C16orf95: variants seen among roughly 807,000 people sequenced by gnomAD.
C16orf95 encodes uncharacterized protein C16orf95.
Under a neutral mutation model 32.1 loss-of-function variants are expected in C16orf95, and 41 were observed. The observed-to-expected ratio is 1.28, with a 90% CI of 1.00 to 1.66. C16orf95 has a LOEUF of 1.66. Among genes scored for constraint, C16orf95 ranks in the 40% most tolerant of loss-of-function variants. The pLI is 0.00. For synonymous variants in C16orf95, 147 were observed against 128.9 expected (o/e 1.14, Z -0.95); for missense variants, 399 against 325.9 (o/e 1.22, Z -1.73).
At chr16:87,306,104 G>A (rs1011583713) in intron 5 of C16orf95, 199 bp from the exon 6 acceptor site, 1 of 426,414 alleles carries the variant, frequency 2.3e-6, no homozygotes, top group Admixed American at 4.0e-5. Flanking sequence ...CTGGGTAACG[G>A]CAGCCTTGGG....
At position 87,313,205 on chromosome 16, in the gene C16orf95, A is replaced by G. The variant is rs547505944; in HGVS notation, c.330+1766T>C. ...TTCACATGGAAATTAAAAAAAAAAA[A>G]AGAGAAAAGCCAAGTCTGAAAAAGA... On this transcript the variant is annotated intron_variant, in intron 3 of 6. Coordinates refer to ENST00000567970, the MANE Select transcript of C16orf95 (RefSeq NM_001195124.3). Among the ~76,000 whole-genome samples the G allele has an allele frequency of 2.2e-4, 34 of 152,014 alleles. No individual in the cohort carries two copies. In the South Asian group the frequency reaches 6.2e-3, roughly 28 times the overall value.
chr16:87,304,176 A>T (rs1473771972), intron 6 of C16orf95, among the ~76,000 whole-genome samples: 2 of 151,940 alleles, frequency 1.3e-5, no homozygotes, highest in African/African-American at 4.8e-5. Flanking sequence ...CACTCAGCTA[A>T]TTTTTTTATT....
chr16:87,303,447 GC>G (rs1910856783), intron 6 of C16orf95: 1 of 226,354 alleles, frequency 4.4e-6, no homozygotes, highest in African/African-American at 2.2e-5. Context: ...ACCCCCGGCT[GC>G]TGTAGCACAT....
chr16:87,304,668 C>G (rs1025774841), intron 6 of C16orf95, among the ~76,000 whole-genome samples: 2 of 152,180 alleles, frequency 1.3e-5, no homozygotes, highest in African/African-American at 2.4e-5. Context: ...GGACCCGTAC[C>G]CCGATGCACA....
At chr16:87,310,835 G>A (rs1010684059) in intron 4 of C16orf95, among the ~76,000 whole-genome samples, 1 of 152,140 alleles carries the variant, frequency 6.6e-6, no homozygotes, top group Non-Finnish European at 1.5e-5. Context: ...GAGTGCAGAG[G>A]GGGAGGAAGA....
At chr16:87,315,214 C>G (rs1209233069) in intron 2 of C16orf95, 118 bp from the exon 3 acceptor site, 3 of 1,070,730 alleles carry the variant, frequency 2.8e-6, no homozygotes, top group Non-Finnish European at 3.9e-6. Flanking sequence ...GCAGGGTCCC[C>G]AGCTCCTACT....
intron 6 of C16orf95, among the ~76,000 whole-genome samples, chr16:87,304,846 A>C (rs1910939598): frequency 6.6e-6 from 1 of 152,262 alleles, no homozygotes; most frequent in Non-Finnish European, 1.5e-5. Context: ...ACAGGACAGG[A>C]CACCTGGCAG....
chr16:87,307,211 C>G (rs1481523058), intron 5 of C16orf95, among the ~76,000 whole-genome samples: 1 of 152,168 alleles, frequency 6.6e-6, no homozygotes, highest in African/African-American at 2.4e-5. Flanking sequence ...AAAACACAGA[C>G]ACGGCAGCCC....
rs978961384 is a variant in C16orf95 at position 87,317,125 on chromosome 16, T to C, written c.118A>G (p.Arg40Gly). 14 of 1,532,822 alleles carry C rather than the reference T, an allele frequency of 9.1e-6. No homozygotes were observed. The Admixed American group carries it at 1.2e-4, about 13-fold the overall frequency. 95.0% of individuals were successfully genotyped at this position (1,532,822 alleles called of 1,614,324 possible). The change falls in exon 1 of 7, where the codon AGG becomes GGG. Residue 40 changes from arginine (R) to glycine (G), a missense_variant. Transcript: ENST00000567970. ...TGCGCGCTGGGTGTGAGTGCCAACC[T>C]GCAGAGCCCGACGCACCCCGCGCCC... ...GPGAGCVGLC[R>G]LALTPSAQDG... is the part of the protein sequence containing the mutation.
At chr16:87,312,399 T>A (rs1017323099) in intron 3 of C16orf95, among the ~76,000 whole-genome samples, 1 of 152,022 alleles carries the variant, frequency 6.6e-6, no homozygotes, top group Admixed American at 6.6e-5. Flanking sequence ...TGAAACCCCA[T>A]CTCTACTAAA....
In C16orf95 at chr16:87,317,370, A is replaced by G. The variant is rs1904402059; in HGVS notation, c.-128T>C. 4 of 1,388,386 alleles carry G rather than the reference A, an allele frequency of 2.9e-6. No individual in the cohort carries two copies. Among genetic ancestry groups the G allele is most frequent in the South Asian group, 1.6e-5 (1 of 61,668 alleles). The allele number at this position is 1,388,386 out of a possible 1,614,324, so 86.0% of individuals were successfully genotyped here. A position where few individuals can be genotyped will look rare whatever the true frequency, so the allele number is the denominator to read the frequency against. The stretch of plus-strand genomic sequence containing the variant: ...GAGCTCAACCCCAGCCCCAACCTCA[A>G]CCGCTCAGAGGAGCCCAACAACGCC... On this transcript the variant is annotated 5_prime_UTR_variant, in exon 1 of 7. Coordinates refer to ENST00000567970, the MANE Select transcript of C16orf95 (RefSeq NM_001195124.3).
At chr16:87,315,211 C>T in intron 2 of C16orf95, 115 bp from the exon 3 acceptor site, 1 of 1,105,290 alleles carries the variant, frequency 9.0e-7, no homozygotes, top group Non-Finnish European at 1.3e-6. Context: ...GGGGCAGGGT[C>T]CCCAGCTCCT....
At chr16:87,304,600 C>T (rs369905095) in intron 6 of C16orf95, among the ~76,000 whole-genome samples, 19 of 152,370 alleles carry the variant, frequency 1.2e-4, no homozygotes, top group African/African-American at 2.4e-4. Flanking sequence ...TCACCGCGCC[C>T]GCTCCTGGCC....
Position 87,305,120 on chromosome 16 carries a change from C to T in C16orf95, c.701+599G>A, listed in dbSNP as rs1910953848. 3.3e-5 allele frequency among the ~76,000 whole-genome samples: 5 copies of T among 152,190 alleles called. No individual in the cohort carries two copies. The highest frequency in any genetic ancestry group is 4.1e-4 in the South Asian group (2 of 4,832). Reference sequence around the variant, plus strand: ...GGAGTAAGAGGAAGTAGCTGTTCCCCGAAGCCCAGCTGTGGCCCGGGGAGT... The same window carrying T: ...GGAGTAAGAGGAAGTAGCTGTTCCCTGAAGCCCAGCTGTGGCCCGGGGAGT... On this transcript the variant is annotated intron_variant, in intron 6 of 6. Coordinates refer to ENST00000567970, the MANE Select transcript of C16orf95 (RefSeq NM_001195124.3). The surrounding 1 kb of genome is among the most constrained non-coding windows in gnomAD (Gnocchi z 4.2).
Position 87,317,298 on chromosome 16 carries a change from C to A in C16orf95, c.-56G>T. 1 of 1,455,896 alleles carries A rather than the reference C, an allele frequency of 6.9e-7. No individual in the cohort carries two copies. The highest frequency in any genetic ancestry group is 9.1e-7 in the Non-Finnish European group (1 of 1,102,774). The allele number at this position is 1,455,896 out of a possible 1,614,324, so 90.2% of individuals were successfully genotyped here. On this transcript the variant is annotated 5_prime_UTR_variant, in exon 1 of 7. Transcript: ENST00000567970. ...CACACACATCGTCCGCAGGCCCTGA[C>A]GCCCTGGCTCCCGCCTTTCCCTCCT... is the stretch of plus-strand genomic sequence containing the variant.
rs1361893133 is a variant in C16orf95 at position 87,315,832 on chromosome 16, G to C, written c.153-9C>G. The C allele has an allele frequency of 6.5e-7, 1 of 1,527,306 alleles. No individual in the cohort carries two copies. Among genetic ancestry groups the C allele is most frequent in the Non-Finnish European group, 8.8e-7 (1 of 1,142,374 alleles). The allele number at this position is 1,527,306 out of a possible 1,614,324, so 94.6% of individuals were successfully genotyped here. A position where few individuals can be genotyped will look rare whatever the true frequency, so the allele number is the denominator to read the frequency against. On this transcript the variant is annotated splice_polypyrimidine_tract_variant and intron_variant, in intron 1 of 6. Transcript: ENST00000567970. ...TTTGAAATGTGCTATTCCTAGAAGAGAAGAACAGAAAAGCTTAGGGTTTGT... is the reference window on the plus strand; with the variant it reads ...TTTGAAATGTGCTATTCCTAGAAGACAAGAACAGAAAAGCTTAGGGTTTGT...
rs1041045218 is a variant in C16orf95, at chr16:87,305,350, AG to A, written c.701+368del. Among the ~76,000 whole-genome samples the A allele has an allele frequency of 5.9e-5, 9 of 152,186 alleles. No homozygotes were observed. The highest frequency in any genetic ancestry group is 2.2e-4 in the African/African-American group (9 of 41,452). On this transcript the variant is annotated intron_variant, in intron 6 of 6. Transcript: ENST00000567970. The surrounding 1 kb of genome is among the most constrained non-coding windows in gnomAD (Gnocchi z 4.2). ...ATACCTGAGGGGGTGCTCAGAGCTC[AG>A]AGGCTGGAGGGTGAGTGGCTGTTAA... is the stretch of plus-strand genomic sequence containing the variant.
chr16:87,305,889 T>C lies in C16orf95; in HGVS notation c.531A>G (p.Ala177=). 1 of 1,436,328 alleles carries C rather than the reference T, an allele frequency of 7.0e-7. No individual in the cohort carries two copies. Among genetic ancestry groups the C allele is most frequent in the Non-Finnish European group, 9.1e-7 (1 of 1,098,318 alleles). The allele number at this position is 1,436,328 out of a possible 1,614,324, so 89.0% of individuals were successfully genotyped here. A position where few individuals can be genotyped will look rare whatever the true frequency, so the allele number is the denominator to read the frequency against. ...TCCGCCAGCAGTTGTGCCAGCAGCA[T>C]GCATCCAGCAGGGGTGCTAGGCAAA... The part of the protein sequence containing the change: ...LKGIQAPLLD[A]CCWHNCWRIC... The change falls in exon 6 of 7, where the codon GCA becomes GCG. Residue 177 remains alanine, a synonymous_variant. Coordinates refer to ENST00000567970, the MANE Select transcript of C16orf95 (RefSeq NM_001195124.3). This position sits in a 1 kb window ranked among gnomAD's most constrained non-coding sequence, Gnocchi z 4.2.
At chr16:87,312,052 A>G (rs943657001) in intron 3 of C16orf95, among the ~76,000 whole-genome samples, 2 of 152,228 alleles carry the variant, frequency 1.3e-5, no homozygotes, top group Non-Finnish European at 2.9e-5. Context: ...ATGCAATCAC[A>G]TGTATGTGAA....
Sources: gnomAD v4.1 joint callset for allele counts (sites outside exome capture counted in the v4.1 genomes callset) on GRCh38, gnomAD v4.1.1 for gene constraint, Gnocchi (gnomAD v3.1) non-coding constraint, MANE v1.5 for transcripts, NCBI Gene and HGNC (gene_info 2026-07-23, HGNC 2026-07-21) for gene names.